Variants in KIAA1217 observed in about 807,000 individuals in gnomAD.
The protein encoded by KIAA1217 is KIAA1217, also known as sickle tail protein homolog.
A neutral mutation model predicts 163.9 loss-of-function variants in KIAA1217; 88 were observed. The observed-to-expected ratio is 0.54, with a 90% CI of 0.45 to 0.64. The LOEUF (loss-of-function observed/expected upper bound fraction) is 0.64. Among genes scored for constraint, KIAA1217 ranks in the 30% least tolerant of loss-of-function variants. KIAA1217 has a pLI of 0.00. For synonymous variants in KIAA1217, 903 were observed against 923.1 expected (o/e 0.98, Z 0.39); for missense variants, 2,372 against 2,475.0 (o/e 0.96, Z 0.88).
intron 2 of KIAA1217, among the ~76,000 whole-genome samples, chr10:24,299,971 G>A (rs540976115): frequency 3.9e-5 from 6 of 152,202 alleles, no homozygotes; most frequent in African/African-American, 1.4e-4. Context: ...ATTCTTTACT[G>A]CTTGTTCGAT....
chr10:24,026,553 C>T (rs1024493057), intron 2 of KIAA1217, among the ~76,000 whole-genome samples: 5 of 151,668 alleles, frequency 3.3e-5, no homozygotes, highest in African/African-American at 1.2e-4. Context: ...TGGTATAAAG[C>T]TATTCATAAT....
chr10:24,219,744 C>T lies in KIAA1217; in HGVS notation c.189C>T (p.Ile63=). ...CAGTTTCCAAGTCTTCCCGCAATAT[C>T]CCAAGGAGACACACCCTAGGGGGGC... is the stretch of plus-strand genomic sequence containing the variant. ...RGSVSKSSRN[I]PRRHTLGGPR... The change falls in exon 2 of 21, where the codon ATC becomes ATT. Residue 63 remains isoleucine, a synonymous_variant. Coordinates refer to ENST00000376454, the MANE Select transcript of KIAA1217 (RefSeq NM_019590.5). 6.2e-7 allele frequency: 1 copy of T among 1,613,970 alleles called. No homozygotes were observed. The highest frequency in any genetic ancestry group is 8.5e-7 in the Non-Finnish European group (1 of 1,179,934).
At chr10:24,097,872 G>A (rs2062224292) in intron 2 of KIAA1217, among the ~76,000 whole-genome samples, 2 of 152,124 alleles carry the variant, frequency 1.3e-5, no homozygotes, top group Non-Finnish European at 2.9e-5. Flanking sequence ...CCAAGGCCAG[G>A]CCACATTTCA....
In KIAA1217 at chr10:23,965,531, A is replaced by G. The variant is rs1034426537; in HGVS notation, c.-320-41694A>G. The stretch of plus-strand genomic sequence containing the variant: ...TCTACAGCTGTGTGTGGAAGGAGCT[A>G]GAGATCACATCAGGGTGTTTTAAGT... On this transcript the variant is annotated intron_variant, in intron 1 of 18. Coordinates refer to the KIAA1217 transcript ENST00000376462. Among the ~76,000 whole-genome samples, 4 of 152,256 alleles carry G rather than the reference A, an allele frequency of 2.6e-5. No homozygotes were observed. In the East Asian group the frequency reaches 7.7e-4, roughly 29 times the overall value.
chr10:23,851,870 T>C (rs1285635575), intron 1 of KIAA1217, among the ~76,000 whole-genome samples: 1 of 152,076 alleles, frequency 6.6e-6, no homozygotes, highest in Non-Finnish European at 1.5e-5. Flanking sequence ...GTTTGTTTTT[T>C]TCTTGTAAAT....
chr10:23,931,784 A>G (rs533453732), intron 1 of KIAA1217, among the ~76,000 whole-genome samples: 1 of 152,192 alleles, frequency 6.6e-6, no homozygotes, highest in Admixed American at 6.5e-5. Context: ...GTGTATCAGT[A>G]AGAGTCCTGG....
At chr10:23,990,484 A>G (rs1224845729) in intron 1 of KIAA1217, among the ~76,000 whole-genome samples, 1 of 152,164 alleles carries the variant, frequency 6.6e-6, no homozygotes, top group Non-Finnish European at 1.5e-5. Flanking sequence ...TTCATGCTCA[A>G]TCAAAAGAAT....
chr10:24,118,304 C>G (rs867575911), intron 2 of KIAA1217, among the ~76,000 whole-genome samples: 46 of 152,280 alleles, frequency 3.0e-4, no homozygotes, highest in African/African-American at 1.1e-3. Context: ...GCCGCCTCCG[C>G]CACTTGCTTT....
intron 2 of KIAA1217, among the ~76,000 whole-genome samples, chr10:24,183,201 C>A (rs1589809782): frequency 3.3e-5 from 5 of 152,278 alleles, no homozygotes. Context: ...AAGGTGATAC[C>A]CTTGAACTTC....
At chr10:23,810,450 C>T (rs1251599361) in intron 1 of KIAA1217, among the ~76,000 whole-genome samples, 2 of 140,056 alleles carry the variant, frequency 1.4e-5, no homozygotes, top group African/African-American at 5.3e-5. Flanking sequence ...TATAGATTAT[C>T]CTATGTATAC....
chr10:24,049,877 C>T (rs143227956), intron 2 of KIAA1217, among the ~76,000 whole-genome samples: 2,617 of 152,240 alleles, frequency 0.017, 46 homozygotes, highest in Middle Eastern at 0.065. Context: ...CTTGAGGAAT[C>T]GCCACACTGT....
At chr10:23,923,608 C>G (rs183823168) in intron 1 of KIAA1217, among the ~76,000 whole-genome samples, 1 of 150,284 alleles carries the variant, frequency 6.7e-6, no homozygotes, top group South Asian at 2.1e-4. Context: ...AGAGATGTGT[C>G]GGAAGAAGGA....
At chr10:23,935,014 A>T in intron 1 of KIAA1217, among the ~76,000 whole-genome samples, 1 of 152,168 alleles carries the variant, frequency 6.6e-6, no homozygotes, top group East Asian at 1.9e-4. Context: ...ATGGATACTG[A>T]GGGTGGGGTT....
intron 1 of KIAA1217, among the ~76,000 whole-genome samples, chr10:23,800,650 T>C (rs7916448): frequency 0.34 from 51,813 of 152,002 alleles, 9,720 homozygotes; most frequent in African/African-American, 0.5. Context: ...TGTGGTTGGG[T>C]TCTTGTATCT....
intron 1 of KIAA1217, among the ~76,000 whole-genome samples, chr10:23,992,864 G>A (rs1234696716): frequency 6.6e-6 from 1 of 151,650 alleles, no homozygotes; most frequent in Non-Finnish European, 1.5e-5. Context: ...GTGGCAGGAG[G>A]AAGAAAGGCC....
intron 2 of KIAA1217, among the ~76,000 whole-genome samples, chr10:24,066,434 T>G (rs1423531482): frequency 6.6e-6 from 1 of 152,212 alleles, no homozygotes; most frequent in Non-Finnish European, 1.5e-5. Flanking sequence ...AATTCTGGGT[T>G]GAAAATTCTT....
intron 5 of KIAA1217, among the ~76,000 whole-genome samples, chr10:24,450,000 A>G (rs572582626): frequency 6.6e-5 from 10 of 152,328 alleles, no homozygotes; most frequent in South Asian, 4.1e-4. Context: ...TCTTCAATCT[A>G]TAAATCTTGT....
chr10:23,988,098 A>T (rs1846060146), intron 1 of KIAA1217, among the ~76,000 whole-genome samples: 1 of 129,746 alleles, frequency 7.7e-6, no homozygotes, highest in South Asian at 2.3e-4. Context: ...TCAACAAATT[A>T]TCTGTAGGCT....
At chr10:23,982,532 TCTCTC>T (rs1564585202) in intron 1 of KIAA1217, among the ~76,000 whole-genome samples, 1 of 62,190 alleles carries the variant, frequency 1.6e-5, no homozygotes, top group African/African-American at 9.0e-5. Flanking sequence ...TTTTTGTTTC[TCTCTC>T]TCTCTCTCTC....
Sources: allele counts gnomAD v4.1 joint callset (sites outside exome capture counted in the v4.1 genomes callset), GRCh38; gene constraint gnomAD v4.1.1; transcripts MANE v1.5; gene names NCBI Gene and HGNC (gene_info 2026-07-23, HGNC 2026-07-21).